The following JAM2 variants were observed in gnomAD, a reference collection of about 807,000 sequenced individuals.
JAM2 encodes the protein junctional adhesion molecule 2.
A neutral mutation model predicts 42.0 loss-of-function variants in JAM2; 17 were observed. The ratio of observed to expected loss-of-function variants is 0.40; its 90% CI spans 0.28 to 0.61. The LOEUF (loss-of-function observed/expected upper bound fraction) is 0.61. Ranked by LOEUF, JAM2 falls within the 20% of genes least tolerant of loss-of-function variation. JAM2 has a pLI of 0.37. For synonymous variants in JAM2, 118 were observed against 128.6 expected (o/e 0.92, Z 0.56); for missense variants, 319 against 358.3 (o/e 0.89, Z 0.89).
chr21:25,662,146 T>TA (rs1247337901), intron 1 of JAM2, among the ~76,000 whole-genome samples: 1 of 152,204 alleles, frequency 6.6e-6, no homozygotes, highest in African/African-American at 2.4e-5. Context: ...TACTTTTTTT[T>TA]ATTTTATTTA....
intron 8 of JAM2, chr21:25,712,029 A>C: frequency 4.1e-6 from 1 of 246,774 alleles, no homozygotes; most frequent in Admixed American, 5.3e-5. Flanking sequence ...AAAATATTAA[A>C]TGTTAATATA....
At position 25,665,759 on chromosome 21, in the gene JAM2, C is replaced by T. The variant is rs544059758; in HGVS notation, c.68-18124C>T. On this transcript the variant is annotated intron_variant, in intron 1 of 9. Transcript: ENST00000480456. The stretch of plus-strand genomic sequence containing the variant: ...TTTACCGATTTAAATGTTAATCTCA[C>T]GCCACACACAGTGGCTCACGTCTGT... 2.6e-5 allele frequency among the ~76,000 whole-genome samples: 4 copies of T among 152,082 alleles called. No individual in the cohort carries two copies. In the South Asian group the frequency reaches 6.2e-4, roughly 24 times the overall value.
intron 1 of JAM2, among the ~76,000 whole-genome samples, chr21:25,671,649 G>A (rs2033363730): frequency 6.6e-6 from 1 of 152,036 alleles, no homozygotes; most frequent in Admixed American, 6.6e-5. Context: ...AGGACTACAG[G>A]CGTGCACCAC....
At chr21:25,648,407 G>A (rs1299958567) in intron 1 of JAM2, among the ~76,000 whole-genome samples, 1 of 151,964 alleles carries the variant, frequency 6.6e-6, no homozygotes, top group Non-Finnish European at 1.5e-5. Context: ...TCCATATAGT[G>A]CTTTTGGATC....
At chr21:25,701,400 C>A (rs2034160884) in intron 5 of JAM2, among the ~76,000 whole-genome samples, 1 of 151,554 alleles carries the variant, frequency 6.6e-6, no homozygotes, top group Non-Finnish European at 1.5e-5. Flanking sequence ...TTCCTTTCTC[C>A]CTCTCTCCCT....
chr21:25,702,023 T>C (rs1048014261), intron 5 of JAM2, 147 bp from the exon 6 acceptor site: 3 of 468,134 alleles, frequency 6.4e-6, no homozygotes, highest in African/African-American at 5.7e-5. Context: ...TCATGGCAGA[T>C]TTTTAAATTC....
At position 25,639,819 on chromosome 21, in the gene JAM2, A is replaced by T; in HGVS notation, c.-3A>T. ...CAGAGCAGCCGGCTGCCGCCCCGGG[A>T]AGATGGCGAGGAGGAGCCGCCACCG... is the stretch of plus-strand genomic sequence containing the variant. On this transcript the variant is annotated 5_prime_UTR_variant, in exon 1 of 10. Transcript: ENST00000480456. 1 of 1,580,832 alleles carries T rather than the reference A, an allele frequency of 6.3e-7. No homozygotes were observed. The highest frequency in any genetic ancestry group is 8.6e-7 in the Non-Finnish European group (1 of 1,166,558).
intron 1 of JAM2, chr21:25,643,989 C>A (rs1323534964): frequency 6.6e-6 from 1 of 152,140 alleles, no homozygotes; most frequent in Non-Finnish European, 1.5e-5. Context: ...AAAGGCCATT[C>A]TTAAAATAAT....
intron 2 of JAM2, among the ~76,000 whole-genome samples, chr21:25,684,991 A>G (rs1378610165): frequency 1.3e-5 from 2 of 152,176 alleles, no homozygotes; most frequent in African/African-American, 4.8e-5. Flanking sequence ...CAGAAGAATT[A>G]CTATTTCTTA....
chr21:25,659,177 T>C (rs1338662916), intron 1 of JAM2, among the ~76,000 whole-genome samples: 1 of 151,802 alleles, frequency 6.6e-6, no homozygotes, highest in African/African-American at 2.4e-5. Context: ...GGGTTTATTA[T>C]CCAATTTAGT....
chr21:25,659,503 A>T (rs2033024183), intron 1 of JAM2, among the ~76,000 whole-genome samples: 1 of 152,182 alleles, frequency 6.6e-6, no homozygotes, highest in Non-Finnish European at 1.5e-5. Context: ...CTACTTCCCA[A>T]CTTTAGTTTC....
At chr21:25,713,869 C>G (rs1434190858) in intron 9 of JAM2, among the ~76,000 whole-genome samples, 2 of 152,206 alleles carry the variant, frequency 1.3e-5, no homozygotes, top group Non-Finnish European at 2.9e-5. Context: ...ACTGAATGAA[C>G]AAAAGCCATT....
At chr21:25,682,383 G>A (rs1302013413) in intron 1 of JAM2, among the ~76,000 whole-genome samples, 1 of 152,152 alleles carries the variant, frequency 6.6e-6, no homozygotes, top group Non-Finnish European at 1.5e-5. Context: ...ACCACACCAG[G>A]TTATTTTGAA....
In JAM2 at chr21:25,639,776, C is replaced by T. The variant is rs118115569; in HGVS notation, c.-46C>T. On this transcript the variant is annotated 5_prime_UTR_variant, in exon 1 of 10. Coordinates refer to ENST00000480456, the MANE Select transcript of JAM2 (RefSeq NM_021219.4). ...CCCCGGCCTCCTGCGCTCCTGCCGC[C>T]GGGACCCTCGACCTCCTCAGAGCAG... 4.9e-6 allele frequency: 7 copies of T among 1,426,516 alleles called. No homozygotes were observed. Among genetic ancestry groups the T allele is most frequent in the South Asian group, 3.7e-5 (3 of 80,278 alleles). The allele number at this position is 1,426,516 out of a possible 1,614,324, so 88.4% of individuals were successfully genotyped here.
intron 1 of JAM2, among the ~76,000 whole-genome samples, chr21:25,674,254 G>A (rs996232588): frequency 2.0e-5 from 3 of 152,120 alleles, no homozygotes; most frequent in Non-Finnish European, 2.9e-5. Flanking sequence ...CATTAGCCAG[G>A]TGTGGTGGCA....
At position 25,639,838 on chromosome 21, in the gene JAM2, G is replaced by T; in HGVS notation, c.17G>T (p.Arg6Leu). MARRS[R>L]HRLLLLLLRY... Reference sequence around the variant, plus strand: ...CCCGGGAAGATGGCGAGGAGGAGCCGCCACCGCCTCCTCCTGCTGCTGCTG... The same window carrying T: ...CCCGGGAAGATGGCGAGGAGGAGCCTCCACCGCCTCCTCCTGCTGCTGCTG... Residue 6 changes from arginine to leucine, a missense_variant, in exon 1 of 10, where the codon CGC becomes CTC. Coordinates refer to ENST00000480456, the MANE Select transcript of JAM2 (RefSeq NM_021219.4). 1 of 1,588,188 alleles carries T rather than the reference G, an allele frequency of 6.3e-7. No homozygotes were observed.
chr21:25,655,522 A>G (rs7277914), intron 1 of JAM2, among the ~76,000 whole-genome samples: 57,110 of 145,308 alleles, frequency 0.39, 13,164 homozygotes, highest in East Asian at 0.64. Flanking sequence ...ACTCTGTCAC[A>G]CAGGCTGGAG....
At chr21:25,693,935 C>G in intron 4 of JAM2, 27 bp downstream of exon 4, 1 of 1,605,714 alleles carries the variant, frequency 6.2e-7, no homozygotes, top group Non-Finnish European at 8.5e-7. Flanking sequence ...TGTGTGACTA[C>G]GTCTCCCACT....
intron 1 of JAM2, among the ~76,000 whole-genome samples, chr21:25,671,321 G>A (rs1290612373): frequency 6.6e-6 from 1 of 151,884 alleles, no homozygotes; most frequent in Non-Finnish European, 1.5e-5. Flanking sequence ...GCTTATTCTT[G>A]CAAATTTTAC....
Sources: allele counts gnomAD v4.1 joint callset (sites outside exome capture counted in the v4.1 genomes callset), GRCh38; gene constraint gnomAD v4.1.1; transcripts MANE v1.5; gene names NCBI Gene and HGNC (gene_info 2026-07-23, HGNC 2026-07-21).